Variants in SATL1 observed in about 807,000 individuals in gnomAD.
SATL1 encodes spermidine/spermine N(1)-acetyltransferase-like protein 1.
A neutral mutation model predicts 51.8 loss-of-function variants in SATL1; 47 were observed. The ratio of observed to expected loss-of-function variants is 0.91; its 90% CI spans 0.72 to 1.16. The LOEUF is 1.16. Among genes scored for constraint, SATL1 ranks in the 50% most tolerant of loss-of-function variants. SATL1 has a pLI of 0.00. For missense variants in SATL1, 520 were observed against 526.4 expected (o/e 0.99, Z 0.12); for synonymous variants, 176 against 182.4 (o/e 0.97, Z 0.28).
At position 85,103,815 on chromosome X, in the gene SATL1, T is replaced by C. The variant is rs373385441; in HGVS notation, c.1693+49A>G. 4.6e-6 allele frequency: 4 copies of C among 860,536 alleles called. No homozygotes were observed. In the African/African-American group the frequency reaches 8.0e-5, roughly 17 times the overall value. 70.9% of individuals were successfully genotyped at this position (860,536 alleles called of 1,213,427 possible). ...CAATAGCTTCCACATATCTAAGTAG[T>C]ACTGTGTGTTTCTTTTTCTTGCTCT... On this transcript the variant is annotated intron_variant, in intron 4 of 7. Coordinates refer to ENST00000644105, the MANE Select transcript of SATL1 (RefSeq NM_001367857.2).
At chrX:85,154,348 A>G (rs1479154648) in intron 2 of SATL1, among the ~76,000 whole-genome samples, 2 of 111,351 alleles carry the variant, frequency 1.8e-5, no homozygotes, top group Non-Finnish European at 3.8e-5. Flanking sequence ...AATCCAATAG[A>G]CTTGCTCTAA....
At chrX:85,125,519 AGTGTGT>A (rs72067285) in intron 2 of SATL1, among the ~76,000 whole-genome samples, 10 of 98,625 alleles carry the variant, frequency 1.0e-4, no homozygotes, top group African/African-American at 2.6e-4. Context: ...CACATAGGAA[AGTGTGT>A]GTGTGTGTGT....
chrX:85,119,403 G>A (rs1251045166), intron 2 of SATL1, among the ~76,000 whole-genome samples: 2 of 111,584 alleles, frequency 1.8e-5, no homozygotes, highest in Non-Finnish European at 3.8e-5. Flanking sequence ...CAGATTCAGA[G>A]CTAGTATGAC....
At position 85,216,916 on chromosome X, in the gene SATL1, G is replaced by T. The variant is rs369787111; in HGVS notation, c.-313+7289C>A. Among the ~76,000 whole-genome samples, 16 of 111,719 alleles carry T rather than the reference G, an allele frequency of 1.4e-4. No individual in the cohort carries two copies. The East Asian group carries it at 3.7e-3, about 26-fold the overall frequency. Reference sequence around the variant, plus strand: ...AGCTCAGCTTTTTCCTAGAAGACTAGGTGAACAGGGGAAAAATGGTGACCC... The same window carrying T: ...AGCTCAGCTTTTTCCTAGAAGACTATGTGAACAGGGGAAAAATGGTGACCC... On this transcript the variant is annotated intron_variant, in intron 2 of 7. Coordinates refer to ENST00000644105, the MANE Select transcript of SATL1 (RefSeq NM_001367857.2).
Position 85,189,763 on chromosome X carries a change from G to A in SATL1, c.-313+34442C>T, listed in dbSNP as rs183737613. On this transcript the variant is annotated intron_variant, in intron 2 of 7. Coordinates refer to ENST00000644105, the MANE Select transcript of SATL1 (RefSeq NM_001367857.2). ...AATATGGATATTTCACAATTGGAGC[G>A]AGACAACTGCTATCAATACAGCATG... is the stretch of plus-strand genomic sequence containing the variant. 1.5e-4 allele frequency among the ~76,000 whole-genome samples: 17 copies of A among 112,043 alleles called. No individual in the cohort carries two copies. In the East Asian group the frequency reaches 3.9e-3, roughly 26 times the overall value.
chrX:85,195,113 G>T (rs1927529412), intron 2 of SATL1, among the ~76,000 whole-genome samples: 1 of 111,037 alleles, frequency 9.0e-6, no homozygotes, highest in South Asian at 3.8e-4. Context: ...TATGTAGGTG[G>T]AGACATACAG....
chrX:85,134,962 T>C (rs181780030), intron 2 of SATL1, among the ~76,000 whole-genome samples: 1 of 112,201 alleles, frequency 8.9e-6, no homozygotes, highest in Non-Finnish European at 1.9e-5. Flanking sequence ...TTTTATCTTT[T>C]AGAGAGATAA....
At chrX:85,191,418 C>A (rs763790135) in intron 2 of SATL1, among the ~76,000 whole-genome samples, 4 of 111,021 alleles carry the variant, frequency 3.6e-5, no homozygotes, top group African/African-American at 1.3e-4. Flanking sequence ...TAACAATGAT[C>A]ATTTCTTTGT....
At chrX:85,188,824 TTAA>T (rs1927372766) in intron 2 of SATL1, among the ~76,000 whole-genome samples, 1 of 112,317 alleles carries the variant, frequency 8.9e-6, no homozygotes, top group Non-Finnish European at 1.9e-5. Flanking sequence ...GAATGCTCAA[TTAA>T]TATTATTGAA....
intron 1 of SATL1, among the ~76,000 whole-genome samples, chrX:85,239,421 T>G (rs977623919): frequency 8.9e-6 from 1 of 111,764 alleles, no homozygotes; most frequent in East Asian, 2.8e-4. Context: ...AGAATCATTA[T>G]AGTAATGATG....
At chrX:85,129,826 T>C (rs1280497980) in intron 2 of SATL1, among the ~76,000 whole-genome samples, 1 of 111,721 alleles carries the variant, frequency 9.0e-6, no homozygotes, top group East Asian at 2.8e-4. Flanking sequence ...GTTCCATCAG[T>C]ACCTAGTTTA....
chrX:85,128,058 A>T (rs1057096640), intron 2 of SATL1, among the ~76,000 whole-genome samples: 1 of 111,556 alleles, frequency 9.0e-6, no homozygotes, highest in East Asian at 2.8e-4. Flanking sequence ...GATGGACATT[A>T]GGGTTGGTTC....
intron 2 of SATL1, among the ~76,000 whole-genome samples, chrX:85,123,710 C>A (rs751328400): frequency 9.0e-6 from 1 of 111,662 alleles, no homozygotes; most frequent in Non-Finnish European, 1.9e-5. Flanking sequence ...CTCTGCATGA[C>A]CCTTTGAACC....
At chrX:85,164,733 T>C (rs907930004) in intron 2 of SATL1, among the ~76,000 whole-genome samples, 1 of 108,348 alleles carries the variant, frequency 9.2e-6, no homozygotes, top group Non-Finnish European at 1.9e-5. Flanking sequence ...ATTTTTTTTT[T>C]TTTTTTTTTA....
intron 2 of SATL1, among the ~76,000 whole-genome samples, chrX:85,206,873 C>A (rs1009644459): frequency 6.3e-5 from 7 of 111,206 alleles, no homozygotes; most frequent in African/African-American, 2.3e-4. Flanking sequence ...ATCCTGAGAA[C>A]ATTTGGAAGG....
chrX:85,182,613 C>T (rs1350322595), intron 2 of SATL1, among the ~76,000 whole-genome samples: 4 of 111,856 alleles, frequency 3.6e-5, no homozygotes, highest in Admixed American at 9.5e-5. Context: ...AGTAGAATTG[C>T]TAAATCATAT....
chrX:85,243,344 C>T (rs780302556), intron 1 of SATL1, among the ~76,000 whole-genome samples: 144 of 112,348 alleles, frequency 1.3e-3, no homozygotes, highest in African/African-American at 4.4e-3. Context: ...TTCCCCATCC[C>T]TCACCCAATG....
chrX:85,151,942 C>T (rs1177829298), intron 2 of SATL1, among the ~76,000 whole-genome samples: 3 of 110,269 alleles, frequency 2.7e-5, no homozygotes, highest in African/African-American at 6.6e-5. Context: ...AAAACAATGG[C>T]AACAAAAGCC....
intron 2 of SATL1, among the ~76,000 whole-genome samples, chrX:85,222,056 A>G (rs1371126825): frequency 8.9e-6 from 1 of 111,912 alleles, no homozygotes; most frequent in Non-Finnish European, 1.9e-5. Flanking sequence ...GAGTCAGAGT[A>G]GGAGAAGACC....
Sources: allele counts gnomAD v4.1 joint callset (sites outside exome capture counted in the v4.1 genomes callset), GRCh38; gene constraint gnomAD v4.1.1; transcripts MANE v1.5; gene names NCBI Gene and HGNC (gene_info 2026-07-23, HGNC 2026-07-21).